DAW1: variants seen among roughly 807,000 people sequenced by gnomAD.
The protein encoded by DAW1 is dynein assembly factor with WD repeat domains 1.
Under a neutral mutation model 56.5 loss-of-function variants are expected in DAW1, and 47 were observed. The observed-to-expected ratio is 0.83, with a 90% CI of 0.66 to 1.06. The LOEUF is 1.06. Among genes scored for constraint, DAW1 ranks in the 50% least tolerant of loss-of-function variants. The pLI is 0.00. For missense variants in DAW1, 505 were observed against 499.3 expected (o/e 1.01, Z -0.11); for synonymous variants, 190 against 179.0 (o/e 1.06, Z -0.49).
intron 2 of DAW1, among the ~76,000 whole-genome samples, chr2:227,887,403 C>T (rs1475553342): frequency 6.6e-6 from 1 of 152,056 alleles, no homozygotes; most frequent in Non-Finnish European, 1.5e-5. Flanking sequence ...GTATATGTAC[C>T]TTCAACACAT....
chr2:227,878,082 A>G (rs949251537), intron 1 of DAW1, among the ~76,000 whole-genome samples: 11 of 152,240 alleles, frequency 7.2e-5, no homozygotes, highest in Non-Finnish European at 1.0e-4. Flanking sequence ...CTTATTTGCT[A>G]AAATGTTAAA....
chr2:227,889,148 G>C (rs1238044292), intron 2 of DAW1, among the ~76,000 whole-genome samples: 1 of 152,096 alleles, frequency 6.6e-6, no homozygotes, highest in African/African-American at 2.4e-5. Flanking sequence ...TCATTCAAAA[G>C]AAACAGGAAA....
rs1455430866 is a variant in DAW1, at chr2:227,879,603, T to C, written c.41-5748T>C. Among the ~76,000 whole-genome samples the C allele has an allele frequency of 2.6e-5, 4 of 152,028 alleles. 1 individual carries two copies. Among genetic ancestry groups the C allele is most frequent in the African/African-American group, 9.6e-5 (4 of 41,578 alleles). ...ATTGTATTTCATGTACTTACAAAGGTGATTACAGGCACTAAGAGACAAATC... is the reference window on the plus strand; with the variant it reads ...ATTGTATTTCATGTACTTACAAAGGCGATTACAGGCACTAAGAGACAAATC... On this transcript the variant is annotated intron_variant, in intron 1 of 12. Coordinates refer to ENST00000309931, the MANE Select transcript of DAW1 (RefSeq NM_178821.3).
At chr2:227,913,131 T>A (rs1054828841) in intron 10 of DAW1, among the ~76,000 whole-genome samples, 1 of 152,188 alleles carries the variant, frequency 6.6e-6, no homozygotes, top group African/African-American at 2.4e-5. Flanking sequence ...TGACATGCAA[T>A]TTTAGGATTC....
intron 1 of DAW1, among the ~76,000 whole-genome samples, chr2:227,880,296 T>C (rs1004023470): frequency 6.6e-6 from 1 of 152,156 alleles, no homozygotes; most frequent in Non-Finnish European, 1.5e-5. Context: ...TTTTATAGCA[T>C]GTGGCATACA....
chr2:227,874,921 C>T (rs763164785), intron 1 of DAW1, among the ~76,000 whole-genome samples: 4 of 152,018 alleles, frequency 2.6e-5, no homozygotes, highest in African/African-American at 7.2e-5. Flanking sequence ...CAAGATCACA[C>T]CAATGCACTC....
rs536973497 is a variant in DAW1, at chr2:227,877,502, T to C, written c.40+5773T>C. ...CATGGCACATATCACAGCCTTTTGC[T>C]CATATTGGAGCTCAGTAATCATGAG... On this transcript the variant is annotated intron_variant, in intron 1 of 12. Coordinates refer to ENST00000309931, the MANE Select transcript of DAW1 (RefSeq NM_178821.3). Among the ~76,000 whole-genome samples, 13 of 152,310 alleles carry C rather than the reference T, an allele frequency of 8.5e-5. No homozygotes were observed. In the South Asian group the frequency reaches 2.5e-3, roughly 29 times the overall value.
At chr2:227,896,355 A>G (rs942998135) in intron 5 of DAW1, among the ~76,000 whole-genome samples, 1 of 152,178 alleles carries the variant, frequency 6.6e-6, no homozygotes, top group Non-Finnish European at 1.5e-5. Context: ...CTTAACAAAC[A>G]TGATGTGTTT....
chr2:227,918,886 A>G lies in DAW1; in HGVS notation c.1050+30A>G, dbSNP rs375479362. ...GTCGCTTTCTCATTTGGAGGAGTTTATTTACTTTCAAAAAATAAAGAGCAG... is the reference window on the plus strand; with the variant it reads ...GTCGCTTTCTCATTTGGAGGAGTTTGTTTACTTTCAAAAAATAAAGAGCAG... On this transcript the variant is annotated intron_variant, in intron 11 of 12. Transcript: ENST00000309931. 8.9e-5 allele frequency: 143 copies of G among 1,610,754 alleles called. 1 individual carries two copies. In the Middle Eastern group the frequency reaches 9.9e-4, roughly 11 times the overall value.
At chr2:227,885,986 T>TTC (rs1400671263) in intron 2 of DAW1, among the ~76,000 whole-genome samples, 2 of 148,866 alleles carry the variant, frequency 1.3e-5, no homozygotes, top group Non-Finnish European at 3.0e-5. Flanking sequence ...TTTTTTTTTT[T>TTC]TTTTTGAGAC....
At chr2:227,912,315 C>T in intron 10 of DAW1, 2 of 1,264,310 alleles carry the variant, frequency 1.6e-6, no homozygotes, top group Non-Finnish European at 2.1e-6. Flanking sequence ...TCACTGCAAC[C>T]TGCGCCTCCC....
intron 2 of DAW1, among the ~76,000 whole-genome samples, chr2:227,885,698 TAG>T (rs926629754): frequency 8.5e-5 from 13 of 152,166 alleles, no homozygotes; most frequent in Admixed American, 3.3e-4. Context: ...GCCGTGAAGG[TAG>T]AGTTTCCACA....
intron 2 of DAW1, chr2:227,887,486 A>T (rs576048339): frequency 2.4e-4 from 37 of 152,368 alleles, no homozygotes; most frequent in African/African-American, 8.7e-4. Flanking sequence ...TACACTTGAT[A>T]GGCTTTTTGT....
At chr2:227,893,533 G>C (rs62192083) in intron 4 of DAW1, among the ~76,000 whole-genome samples, 1 of 151,718 alleles carries the variant, frequency 6.6e-6, no homozygotes, top group African/African-American at 2.4e-5. Flanking sequence ...ATAGCCAGGC[G>C]TGGTGGTGGG....
intron 10 of DAW1, chr2:227,912,322 TC>T: frequency 7.8e-7 from 1 of 1,280,522 alleles, no homozygotes; most frequent in Non-Finnish European, 1.0e-6. Context: ...AACCTGCGCC[TC>T]CCAGGTTCAA....
chr2:227,902,690 G>C (rs560344580), intron 6 of DAW1, among the ~76,000 whole-genome samples: 5 of 152,084 alleles, frequency 3.3e-5, no homozygotes, highest in Admixed American at 6.5e-5. Context: ...AGGAGAAGGA[G>C]AGCCATATAG....
chr2:227,881,360 A>G (rs1434288809), intron 1 of DAW1, among the ~76,000 whole-genome samples: 1 of 152,250 alleles, frequency 6.6e-6, no homozygotes, highest in Non-Finnish European at 1.5e-5. Context: ...GAACCTGAAC[A>G]CAAATCACAG....
chr2:227,907,031 G>A (rs1228366384), intron 9 of DAW1, 107 bp from the exon 10 acceptor site: 12 of 694,346 alleles, frequency 1.7e-5, no homozygotes, highest in Non-Finnish European at 2.8e-5. Flanking sequence ...TTTTTGCACA[G>A]TTATTTAACC....
At chr2:227,897,540 G>A (rs2106199814) in intron 5 of DAW1, among the ~76,000 whole-genome samples, 1 of 152,270 alleles carries the variant, frequency 6.6e-6, no homozygotes, top group Non-Finnish European at 1.5e-5. Context: ...TAAAAGAAAG[G>A]TTTTAGTTCC....
Sources: allele counts gnomAD v4.1 joint callset (sites outside exome capture counted in the v4.1 genomes callset), GRCh38; gene constraint gnomAD v4.1.1; transcripts MANE v1.5; gene names NCBI Gene and HGNC (gene_info 2026-07-23, HGNC 2026-07-21).